Variants in SYTL3 observed in about 807,000 individuals in gnomAD.
The protein encoded by SYTL3 is synaptotagmin like 3, also known as synaptotagmin-like protein 3.
Under a neutral mutation model 82.1 loss-of-function variants are expected in SYTL3, and 88 were observed. The ratio of observed to expected loss-of-function variants is 1.07; its 90% CI spans 0.90 to 1.28. The LOEUF (loss-of-function observed/expected upper bound fraction) is 1.28, where lower values mean the gene tolerates loss of function less well. Ranked by LOEUF, SYTL3 falls within the 50% of genes most tolerant of loss-of-function variation. The pLI is 0.00. For missense variants in SYTL3, 831 were observed against 757.6 expected, an observed-to-expected ratio of 1.10 and a Z score of -1.14; for synonymous variants, 311 against 289.4, an observed-to-expected ratio of 1.07 and a Z score of -0.76.
chr6:158,755,885 G>A (rs572362284), intron 13 of SYTL3, among the ~76,000 whole-genome samples: 8 of 152,312 alleles, frequency 5.3e-5, no homozygotes, highest in East Asian at 1.9e-4. Context: ...GTCAGTGCAC[G>A]TGAATCTGGC....
intron 15 of SYTL3, among the ~76,000 whole-genome samples, 195 bp from the exon 16 acceptor site, chr6:158,761,881 G>GAGCGGCACGGTGTGGGC (rs1477758921): frequency 1.3e-5 from 2 of 152,136 alleles, no homozygotes; most frequent in Admixed American, 6.5e-5. Context: ...CCTGACCACA[G>GAGCGGCACGGTGTGGGC]AGCGGCACGG....
At chr6:158,714,835 C>G (rs1381931268) in intron 9 of SYTL3, among the ~76,000 whole-genome samples, 1 of 152,158 alleles carries the variant, frequency 6.6e-6, no homozygotes, top group South Asian at 2.1e-4. Flanking sequence ...CTTTATGTGA[C>G]TTTAATTAGT....
intron 8 of SYTL3, 74 bp downstream of exon 8, chr6:158,708,465 AG>A: frequency 6.9e-7 from 1 of 1,442,270 alleles, no homozygotes; most frequent in Middle Eastern, 1.7e-4. Context: ...GGAGCTTTCG[AG>A]GCTGAGGCCG....
chr6:158,686,369 T>A (rs757679203), intron 6 of SYTL3, among the ~76,000 whole-genome samples: 1 of 152,194 alleles, frequency 6.6e-6, no homozygotes, highest in Non-Finnish European at 1.5e-5. Flanking sequence ...TTTCCCTCCT[T>A]CTCTACAATG....
intron 13 of SYTL3, among the ~76,000 whole-genome samples, chr6:158,753,109 T>G (rs1274391099): frequency 6.9e-6 from 1 of 145,726 alleles, no homozygotes; most frequent in Non-Finnish European, 1.5e-5. Flanking sequence ...AGATGGAGTT[T>G]CACTCTTGGT....
In SYTL3 at chr6:158,745,633, G is replaced by A. The variant is rs774797784; in HGVS notation, c.1009G>A (p.Glu337Lys). ...IKACKNLAYG[E>K]EKKKKCNPYV... ...GGCCTGTAAGAACCTTGCCTATGGA[G>A]AAGAAAAGAAGAAAAAGTGCAATCC... The change falls in exon 12 of 18, where the codon GAA becomes AAA. Residue 337 changes from glutamate to lysine, a missense_variant. Physicochemically the swap from Glu to Lys is moderately conservative, Grantham distance 56. Transcript: ENST00000611299. 6.3e-7 allele frequency: 1 copy of A among 1,597,924 alleles called. No individual in the cohort carries two copies. Among genetic ancestry groups the A allele is most frequent in the Admixed American group, 1.8e-5 (1 of 55,380 alleles).
intron 6 of SYTL3, among the ~76,000 whole-genome samples, chr6:158,692,929 C>T (rs936244373): frequency 3.5e-4 from 52 of 150,622 alleles, no homozygotes; most frequent in African/African-American, 1.3e-3. Context: ...CCAGCCTGGG[C>T]GACAGAGCGA....
At chr6:158,657,821 A>G (rs1245442802) in intron 2 of SYTL3, among the ~76,000 whole-genome samples, 3 of 112,356 alleles carry the variant, frequency 2.7e-5, no homozygotes, top group East Asian at 5.5e-4. Flanking sequence ...AATTCTTGTT[A>G]AAGTTTGAAA....
At chr6:158,688,896 G>A (rs1459039104) in intron 6 of SYTL3, among the ~76,000 whole-genome samples, 2 of 152,142 alleles carry the variant, frequency 1.3e-5, no homozygotes, top group Non-Finnish European at 2.9e-5. Context: ...ACATGAGTCA[G>A]GCTAATATAT....
At chr6:158,745,711 A>G in intron 12 of SYTL3, 53 bp downstream of exon 12, 3 of 1,383,556 alleles carry the variant, frequency 2.2e-6, no homozygotes, top group Non-Finnish European at 2.0e-6. Context: ...CAAAATGTAT[A>G]TGAAAAAGTA....
chr6:158,746,883 G>T (rs768764134), intron 12 of SYTL3, among the ~76,000 whole-genome samples: 1 of 151,920 alleles, frequency 6.6e-6, no homozygotes, highest in Non-Finnish European at 1.5e-5. Flanking sequence ...TGAACTCTCA[G>T]ACTCAAGCAG....
At chr6:158,653,713 G>A (rs924812898) in intron 2 of SYTL3, among the ~76,000 whole-genome samples, 8 of 152,178 alleles carry the variant, frequency 5.3e-5, no homozygotes, top group African/African-American at 1.7e-4. Flanking sequence ...GACCTGCAGG[G>A]CTGTGGCTTG....
rs568003309 is a variant in SYTL3, at chr6:158,702,286, A to G, written c.395-4944A>G. 4.8e-5 allele frequency among the ~76,000 whole-genome samples: 7 copies of G among 145,696 alleles called. No homozygotes were observed. In the South Asian group the frequency reaches 1.1e-3, roughly 23 times the overall value. On this transcript the variant is annotated intron_variant, in intron 6 of 17. Coordinates refer to ENST00000611299, the MANE Select transcript of SYTL3 (RefSeq NM_001242394.2). Reference sequence around the variant, plus strand: ...GGTTGCAGTGAACCAAGATCGCGCTATTGTACTCCAGCCTGGGCAACAAGA... The same window carrying G: ...GGTTGCAGTGAACCAAGATCGCGCTGTTGTACTCCAGCCTGGGCAACAAGA...
At chr6:158,671,668 T>C (rs927094089) in intron 5 of SYTL3, among the ~76,000 whole-genome samples, 5 of 150,826 alleles carry the variant, frequency 3.3e-5, no homozygotes, top group African/African-American at 1.2e-4. Context: ...TGGAGGAGGC[T>C]GAGGCAGGAG....
chr6:158,706,204 G>C (rs1033582174), intron 6 of SYTL3, among the ~76,000 whole-genome samples: 5 of 152,120 alleles, frequency 3.3e-5, no homozygotes, highest in African/African-American at 4.8e-5. Flanking sequence ...ACACAGGCAG[G>C]TGGACTCGGA....
chr6:158,696,194 T>G (rs1192976428), intron 6 of SYTL3, among the ~76,000 whole-genome samples: 3 of 152,124 alleles, frequency 2.0e-5, no homozygotes, highest in South Asian at 2.1e-4. Flanking sequence ...ACACTAACAC[T>G]TATTTTATTA....
chr6:158,646,163 G>C (rs1171175298), upstream of SYTL3, among the ~76,000 whole-genome samples: 1 of 150,312 alleles, frequency 6.7e-6, no homozygotes, highest in African/African-American at 2.4e-5. Context: ...GTGTCATTCT[G>C]TTGCCCGGGC....
At chr6:158,674,269 A>G (rs1190910691) in intron 5 of SYTL3, among the ~76,000 whole-genome samples, 2 of 152,026 alleles carry the variant, frequency 1.3e-5, no homozygotes, top group Non-Finnish European at 2.9e-5. Context: ...GAAACAGTTC[A>G]TTCTGCTTTG....
At chr6:158,711,393 G>T (rs1782748000) in intron 8 of SYTL3, among the ~76,000 whole-genome samples, 1 of 152,152 alleles carries the variant, frequency 6.6e-6, no homozygotes, top group South Asian at 2.1e-4. Flanking sequence ...TACATGAGAG[G>T]AGTCTTACTA....
Sources: allele counts gnomAD v4.1 joint callset (sites outside exome capture counted in the v4.1 genomes callset), GRCh38; gene constraint gnomAD v4.1.1; transcripts MANE v1.5; gene names NCBI Gene and HGNC (gene_info 2026-07-23, HGNC 2026-07-21).